The following CEP295 variants were observed in gnomAD, a reference collection of about 807,000 sequenced individuals.
CEP295 encodes centrosomal protein of 295 kDa.
In CEP295, 190 loss-of-function variants were observed where a neutral mutation model predicts 291.6. That is an observed-to-expected ratio of 0.65 (90% CI 0.58 to 0.73). The LOEUF is 0.73. Ranked by LOEUF, CEP295 falls within the 30% of genes least tolerant of loss-of-function variation. The pLI is 0.00. For synonymous variants in CEP295, 993 were observed against 1,038.8 expected (o/e 0.96, Z 0.85); for missense variants, 2,863 against 2,949.4 (o/e 0.97, Z 0.68).
At chr11:93,663,254 T>C (rs745838056) in intron 1 of CEP295, among the ~76,000 whole-genome samples, 3 of 152,348 alleles carry the variant, frequency 2.0e-5, no homozygotes, top group Non-Finnish European at 2.9e-5. Flanking sequence ...ACATTTCTTA[T>C]ACTGCATGGC....
intron 7 of CEP295, among the ~76,000 whole-genome samples, chr11:93,682,615 A>C (rs1951030883): frequency 6.6e-6 from 1 of 151,678 alleles, no homozygotes; most frequent in Admixed American, 6.6e-5. Flanking sequence ...AAACCGTGCA[A>C]TCTCACTGCT....
intron 9 of CEP295, among the ~76,000 whole-genome samples, chr11:93,686,313 C>G (rs965793646): frequency 4.0e-5 from 1 of 25,128 alleles, no homozygotes; most frequent in Non-Finnish European, 7.3e-5. Context: ...GAGTGAAACT[C>G]CATCTTAAAA....
intron 5 of CEP295, among the ~76,000 whole-genome samples, chr11:93,671,721 G>T (rs1305797423): frequency 6.6e-6 from 1 of 152,144 alleles, no homozygotes; most frequent in African/African-American, 2.4e-5. Flanking sequence ...GGAGGGATAG[G>T]ATTTTAGTTT....
intron 7 of CEP295, among the ~76,000 whole-genome samples, chr11:93,682,127 A>G (rs1944106): frequency 0.92 from 139,783 of 152,138 alleles, 65,033 homozygotes; most frequent in East Asian, 0.99. Flanking sequence ...CCTTTTCAGG[A>G]CATGGCAAAA....
rs1951936822 is a variant in CEP295 at position 93,697,943 on chromosome 11, G to A, written c.3031G>A (p.Asp1011Asn). Residue 1011 changes from aspartate to asparagine, a missense_variant, in exon 15 of 30, where the codon GAT becomes AAT. Transcript: ENST00000325212. ...TACATTTACTTCACTACCATCTGCT[G>A]ATACAAAATCTGGAAAAATACAGGA... Reference protein sequence around the residue: ...QHTFTSLPSADTKSGKIQEQH... With the variant: ...QHTFTSLPSANTKSGKIQEQH... 1 of 1,551,574 alleles carries A rather than the reference G, an allele frequency of 6.4e-7. No individual in the cohort carries two copies. Among genetic ancestry groups the A allele is most frequent in the Admixed American group, 2.0e-5 (1 of 50,978 alleles).
At chr11:93,700,804 C>G (rs1372977521) in intron 15 of CEP295, among the ~76,000 whole-genome samples, 4 of 152,146 alleles carry the variant, frequency 2.6e-5, no homozygotes, top group Non-Finnish European at 4.4e-5. Flanking sequence ...GTAAAAATAA[C>G]TGGTTAGCAG....
chr11:93,718,343 A>G (rs1478299749), intron 18 of CEP295, among the ~76,000 whole-genome samples: 1 of 152,278 alleles, frequency 6.6e-6, no homozygotes, highest in African/African-American at 2.4e-5. Flanking sequence ...CTTGTAGGAA[A>G]ACAGGAAATG....
At position 93,699,856 on chromosome 11, in the gene CEP295, C is replaced by A; in HGVS notation, c.4944C>A (p.Pro1648=). The A allele has an allele frequency of 2.6e-6, 4 of 1,552,078 alleles. No homozygotes were observed. The highest frequency in any genetic ancestry group is 3.5e-6 in the Non-Finnish European group (4 of 1,147,006). Residue 1648 remains proline, a synonymous_variant, in exon 15 of 30, where the codon CCC becomes CCA. Coordinates refer to ENST00000325212, the MANE Select transcript of CEP295 (RefSeq NM_033395.2). ...AEHTIPSLFL[P]KETEHSFIPL... is the part of the protein sequence containing the mutation. ...ATACTATCCCCTCTTTGTTTCTACC[C>A]AAGGAAACAGAGCATTCGTTTATTC...
chr11:93,715,850 A>G (rs1565208114), intron 18 of CEP295, among the ~76,000 whole-genome samples: 1 of 151,932 alleles, frequency 6.6e-6, no homozygotes. Context: ...CTGAGTGGGT[A>G]TTCAATTTGC....
chr11:93,699,687 T>C lies in CEP295; in HGVS notation c.4775T>C (p.Leu1592Ser). 1.3e-6 allele frequency: 2 copies of C among 1,551,538 alleles called. No homozygotes were observed. Among genetic ancestry groups the C allele is most frequent in the South Asian group, 1.2e-5 (1 of 84,054 alleles). Residue 1592 changes from leucine (L) to serine (S), a missense_variant, in exon 15 of 30, where the codon TTA (leucine) becomes TCA (serine). Leu to Ser is a moderately radical substitution (Grantham distance 145). Around this residue, in one of 3 missense-constraint regions of CEP295, gnomAD observed 2,295 missense variants for 2,335.7 expected, o/e 0.98. Transcript: ENST00000325212. ...IPRLQDRLLS[L>S]SKPILPQQDN... ...AGATTACAGGATAGACTTTTGAGTT[T>C]ATCAAAGCCTATTCTGCCTCAGCAA... is the stretch of plus-strand genomic sequence containing the variant.
intron 21 of CEP295, 88 bp from the exon 22 acceptor site, chr11:93,724,166 T>G: frequency 8.1e-7 from 1 of 1,238,950 alleles, no homozygotes; most frequent in Non-Finnish European, 1.1e-6. Context: ...GAATATGTTC[T>G]TAATACTCCT....
Position 93,698,912 on chromosome 11 carries a change from C to A in CEP295, c.4000C>A (p.Gln1334Lys). The A allele has an allele frequency of 2.6e-6, 4 of 1,551,590 alleles. No individual in the cohort carries two copies. The highest frequency in any genetic ancestry group is 3.5e-6 in the Non-Finnish European group (4 of 1,146,960). Residue 1334 changes from glutamine (Q) to lysine (K), a missense_variant, in exon 15 of 30, where the codon CAG (glutamine) becomes AAG (lysine). Coordinates refer to ENST00000325212, the MANE Select transcript of CEP295 (RefSeq NM_033395.2). ...FSSHLQIPQL[Q>K]DRLLRISQLI... Reference sequence around the variant, plus strand: ...AAGCCACCTTCAGATCCCACAATTGCAGGATAGGCTTTTGAGGATATCGCA... The same window carrying A: ...AAGCCACCTTCAGATCCCACAATTGAAGGATAGGCTTTTGAGGATATCGCA...
intron 18 of CEP295, among the ~76,000 whole-genome samples, chr11:93,719,233 T>G (rs1476710428): frequency 1.4e-5 from 2 of 144,320 alleles, no homozygotes; most frequent in Non-Finnish European, 3.0e-5. Flanking sequence ...TGTGGGTTGT[T>G]TTTTTTTTCC....
intron 7 of CEP295, among the ~76,000 whole-genome samples, chr11:93,682,187 G>A: frequency 6.6e-6 from 1 of 151,942 alleles, no homozygotes; most frequent in East Asian, 1.9e-4. Context: ...AAAAGAATAA[G>A]TAATGTATAT....
intron 1 of CEP295, among the ~76,000 whole-genome samples, chr11:93,666,367 G>T (rs1401854839): frequency 1.3e-5 from 2 of 152,154 alleles, no homozygotes; most frequent in Admixed American, 6.5e-5. Context: ...GCTGAGGTAG[G>T]TGGATCACTT....
rs1221685984 is a variant in CEP295 at position 93,727,598 on chromosome 11, TTCTGGA to T, written c.7125_7130del (p.Gly2376_Ser2377del). 6.5e-7 allele frequency: 1 copy of T among 1,550,002 alleles called. No individual in the cohort carries two copies. Among genetic ancestry groups the T allele is most frequent in the Non-Finnish European group, 8.7e-7 (1 of 1,146,548 alleles). ...TAGGAGAATCAGAGCTTTTTGCAAG[TTCTGGA>T]TCATTTTCATTACAGAGCTCTATAC... is the stretch of plus-strand genomic sequence containing the variant. On this transcript the variant is annotated inframe_deletion, in exon 24 of 30. Transcript: ENST00000325212.
In CEP295 at chr11:93,698,037, G is replaced by A. The variant is rs1305457564; in HGVS notation, c.3125G>A (p.Gly1042Glu). The A allele has an allele frequency of 6.4e-7, 1 of 1,551,714 alleles. No individual in the cohort carries two copies. Among genetic ancestry groups the A allele is most frequent in the Admixed American group, 2.0e-5 (1 of 50,986 alleles). ...CQSDIPISQD[G>E]SLSFLQQFLP... Reference sequence around the variant, plus strand: ...TCTGACATCCCCATATCTCAGGATGGGTCTTTGAGTTTCCTACAGCAGTTC... The same window carrying A: ...TCTGACATCCCCATATCTCAGGATGAGTCTTTGAGTTTCCTACAGCAGTTC... The change falls in exon 15 of 30, where the codon GGG (glycine) becomes GAG (glutamate). Residue 1042 changes from glycine (G) to glutamate (E), a missense_variant. Coordinates refer to ENST00000325212, the MANE Select transcript of CEP295 (RefSeq NM_033395.2).
At chr11:93,665,749 C>G (rs1950181427) in intron 1 of CEP295, among the ~76,000 whole-genome samples, 1 of 152,182 alleles carries the variant, frequency 6.6e-6, no homozygotes, top group Non-Finnish European at 1.5e-5. Flanking sequence ...ACGCTTGATA[C>G]AGCCGAGCAA....
In CEP295 at chr11:93,729,780, A is replaced by G; in HGVS notation, c.7566A>G (p.Ile2522Met). The change falls in exon 27 of 30, where the codon ATA (isoleucine) becomes ATG (methionine). Residue 2522 changes from isoleucine (I) to methionine (M), a missense_variant and splice_region_variant. Ile to Met is a conservative substitution (Grantham distance 10, BLOSUM62 1). This residue lies in a region of CEP295 where 2,295 missense variants were observed against 2,335.7 expected (regional missense o/e 0.98). Coordinates refer to ENST00000325212, the MANE Select transcript of CEP295 (RefSeq NM_033395.2). ...QIKTVKEKPS[I>M]SSSVSRLKGV... ...AAACAGTTAAAGAGAAACCATCTAT[A>G]AGTATGTTGAATTTTTAAAATCTTC... 6.5e-7 allele frequency: 1 copy of G among 1,538,464 alleles called. No individual in the cohort carries two copies. Among genetic ancestry groups the G allele is most frequent in the Non-Finnish European group, 8.8e-7 (1 of 1,141,316 alleles).
Sources: gnomAD v4.1 joint callset for allele counts (sites outside exome capture counted in the v4.1 genomes callset) on GRCh38, gnomAD v4.1.1 for gene constraint, gnomAD v4.1.1 regional missense constraint, MANE v1.5 for transcripts, NCBI Gene and HGNC (gene_info 2026-07-23, HGNC 2026-07-21) for gene names.